GPHN: variants seen among roughly 807,000 people sequenced by gnomAD.
The protein encoded by GPHN is gephyrin.
GPHN carries 17 observed loss-of-function variants against 95.5 expected under a neutral mutation model. That is an observed-to-expected ratio of 0.18 (90% confidence interval 0.12 to 0.27). The LOEUF (loss-of-function observed/expected upper bound fraction) is 0.27, where lower values mean the gene tolerates loss of function less well. GPHN is among the 10% of genes least tolerant of loss of function. The pLI is 1.00. For synonymous variants in GPHN, 320 were observed against 322.5 expected, an observed-to-expected ratio of 0.99 and a Z score of 0.08; for missense variants, 660 against 978.1, an observed-to-expected ratio of 0.67 and a Z score of 4.34.
chr14:66,526,791 A>G (rs941414165), intron 1 of GPHN, among the ~76,000 whole-genome samples: 4 of 152,150 alleles, frequency 2.6e-5, no homozygotes, highest in Admixed American at 2.0e-4. Flanking sequence ...TGATTTGTAT[A>G]TGTTGAACCA....
chr14:67,265,041 T>G, the GPHN span, among the ~76,000 whole-genome samples: 2 of 152,228 alleles, frequency 1.3e-5, no homozygotes, highest in Non-Finnish European at 2.9e-5. Flanking sequence ...ACTTTGAAGA[T>G]TTTTTAAATT....
the GPHN span, chr14:67,729,767 C>A: frequency 2.0e-6 from 1 of 503,454 alleles, no homozygotes; most frequent in Non-Finnish European, 3.9e-6. Flanking sequence ...AGGGGAACGT[C>A]CTCTCTCTTC....
chr14:66,714,402 T>C (rs572593439), intron 2 of GPHN, among the ~76,000 whole-genome samples: 1 of 152,168 alleles, frequency 6.6e-6, no homozygotes, highest in Admixed American at 6.5e-5. Flanking sequence ...TCTGGAGGAG[T>C]CTTTAGGGTT....
chr14:67,341,272 G>T, the GPHN span, among the ~76,000 whole-genome samples: 1 of 150,700 alleles, frequency 6.6e-6, no homozygotes, highest in Non-Finnish European at 1.5e-5. Flanking sequence ...TGTGGGGAGC[G>T]CCTCTGCCCC....
intron 3 of GPHN, among the ~76,000 whole-genome samples, chr14:66,784,845 A>G (rs934070077): frequency 9.8e-5 from 15 of 152,342 alleles, no homozygotes; most frequent in African/African-American, 3.4e-4. Flanking sequence ...GAAAATAGAT[A>G]ATAAAATGGC....
At chr14:66,864,071 G>A (rs1159430073) in intron 4 of GPHN, among the ~76,000 whole-genome samples, 5 of 152,066 alleles carry the variant, frequency 3.3e-5, no homozygotes, top group Non-Finnish European at 7.4e-5. Context: ...CCCACCTGAC[G>A]AGGGATTAAT....
chr14:67,508,022 C>T, the GPHN span, among the ~76,000 whole-genome samples: 1 of 151,926 alleles, frequency 6.6e-6, no homozygotes, highest in Non-Finnish European at 1.5e-5. Flanking sequence ...CCTCTAATCC[C>T]AGCTACTCGG....
chr14:67,334,527 GA>G, the GPHN span: 7 of 152,444 alleles, frequency 4.6e-5, no homozygotes, highest in African/African-American at 1.7e-4. Flanking sequence ...ATATTTGATT[GA>G]TTTTTTTTCT....
the GPHN span, among the ~76,000 whole-genome samples, chr14:67,710,781 C>A: frequency 6.6e-6 from 1 of 151,576 alleles, no homozygotes; most frequent in East Asian, 1.9e-4. Flanking sequence ...AGAAAATACC[C>A]AAATAATGAA....
the GPHN span, chr14:67,198,262 A>G: frequency 6.2e-7 from 1 of 1,613,936 alleles, no homozygotes. Flanking sequence ...AATATGTTGG[A>G]TGGAGGAGAG....
chr14:67,336,357 T>C, the GPHN span: 2 of 179,052 alleles, frequency 1.1e-5, no homozygotes, highest in African/African-American at 4.8e-5. Flanking sequence ...TTCAGATAAC[T>C]GACTCCACAC....
chr14:67,312,425 TA>T, the GPHN span: 3 of 852,256 alleles, frequency 3.5e-6, no homozygotes, highest in South Asian at 3.4e-5. Context: ...TAAATTTTTT[TA>T]AAATTAAAAA....
chr14:66,557,237 G>GATAGATAGA (rs1555342945), intron 1 of GPHN, among the ~76,000 whole-genome samples: 25 of 142,006 alleles, frequency 1.8e-4, no homozygotes, highest in Admixed American at 9.3e-4. Context: ...ACATAGGTAG[G>GATAGATAGA]TAGATAGATA....
intron 2 of GPHN, among the ~76,000 whole-genome samples, chr14:66,751,863 T>C (rs1233507857): frequency 6.6e-6 from 1 of 152,112 alleles, no homozygotes; most frequent in Non-Finnish European, 1.5e-5. Context: ...CCTCTCTCTA[T>C]GTGAAAGTCC....
the GPHN span, chr14:67,611,214 CTCTT>C: frequency 2.6e-5 from 4 of 152,190 alleles, no homozygotes; most frequent in East Asian, 1.9e-4. Context: ...CTTTCTCTCT[CTCTT>C]TCTTTTTCTT....
chr14:66,884,981 G>T (rs1480484356), intron 5 of GPHN, among the ~76,000 whole-genome samples: 4 of 151,820 alleles, frequency 2.6e-5, no homozygotes, highest in Middle Eastern at 3.4e-3. Context: ...TTTTAGGGAG[G>T]AGATAATATT....
chr14:66,842,544 T>C, intron 4 of GPHN: 1 of 631,826 alleles, frequency 1.6e-6, no homozygotes, highest in South Asian at 2.0e-5. Context: ...TCAGAAATGG[T>C]TTCATTCTGA....
intron 1 of GPHN, among the ~76,000 whole-genome samples, chr14:66,574,400 T>C (rs951952120): frequency 4.6e-5 from 7 of 152,270 alleles, no homozygotes; most frequent in African/African-American, 1.7e-4. Context: ...GCTTTTCTTA[T>C]AACTTTCATA....
chr14:67,322,279 C>T, the GPHN span, among the ~76,000 whole-genome samples: 50 of 152,010 alleles, frequency 3.3e-4, no homozygotes, highest in African/African-American at 1.1e-3. Flanking sequence ...GCCAGGGAGG[C>T]GGAGATTGCA....
Sources: gnomAD v4.1 joint callset for allele counts (sites outside exome capture counted in the v4.1 genomes callset) on GRCh38, gnomAD v4.1.1 for gene constraint, MANE v1.5 for transcripts, NCBI Gene and HGNC (gene_info 2026-07-23, HGNC 2026-07-21) for gene names.